Variants in MYO3B observed in about 807,000 individuals in gnomAD.
MYO3B encodes the protein myosin IIIB.
MYO3B carries 156 observed loss-of-function variants against 174.6 expected under a neutral mutation model. The observed-to-expected ratio is 0.89, with a 90% CI of 0.78 to 1.02. The LOEUF (loss-of-function observed/expected upper bound fraction) is 1.02. Among genes scored for constraint, MYO3B ranks in the 50% least tolerant of loss-of-function variants. MYO3B has a pLI of 0.00. For synonymous variants in MYO3B, 563 were observed against 569.1 expected (o/e 0.99, Z 0.15); for missense variants, 1,632 against 1,639.4 (o/e 1.00, Z 0.08).
intron 5 of MYO3B, among the ~76,000 whole-genome samples, chr2:170,216,376 G>T (rs73027110): frequency 0.015 from 2,358 of 152,286 alleles, 66 homozygotes; most frequent in African/African-American, 0.053. Flanking sequence ...GTCTTAAGAA[G>T]AACCCTCCGT....
chr2:170,452,700 C>T (rs777569281), intron 23 of MYO3B, among the ~76,000 whole-genome samples: 28 of 152,146 alleles, frequency 1.8e-4, no homozygotes, highest in Non-Finnish European at 3.2e-4. Flanking sequence ...ACCATGGATG[C>T]ATAAAGTGTC....
chr2:170,279,315 A>G (rs766799574), intron 7 of MYO3B, among the ~76,000 whole-genome samples: 1 of 151,920 alleles, frequency 6.6e-6, no homozygotes, highest in Non-Finnish European at 1.5e-5. Context: ...TGTCTTTTTG[A>G]TAATAGCTAT....
intron 32 of MYO3B, among the ~76,000 whole-genome samples, chr2:170,613,634 G>A (rs1412635477): frequency 2.0e-5 from 3 of 152,212 alleles, no homozygotes; most frequent in Non-Finnish European, 4.4e-5. Context: ...GTATGTCTGT[G>A]AGGGTGTTGC....
rs548918275 is a variant in MYO3B at position 170,612,014 on chromosome 2, A to G, written c.3734-39614A>G. Among the ~76,000 whole-genome samples, 75 of 152,304 alleles carry G rather than the reference A, an allele frequency of 4.9e-4. 1 individual carries two copies. Among genetic ancestry groups the G allele is most frequent in the Admixed American group, 2.0e-3 (30 of 15,294 alleles). On this transcript the variant is annotated intron_variant, in intron 32 of 34. Coordinates refer to ENST00000408978, the MANE Select transcript of MYO3B (RefSeq NM_138995.5). ...GATCTCCAGGCCAGTTCTCAGGGAC[A>G]CTGAGTCCTATTCATAGAACAACAG...
At chr2:170,620,864 G>GACA (rs1695852871) in intron 32 of MYO3B, among the ~76,000 whole-genome samples, 1 of 152,166 alleles carries the variant, frequency 6.6e-6, no homozygotes, top group South Asian at 2.1e-4. Context: ...ATGATCTCTA[G>GACA]CCTCTCAGGG....
intron 6 of MYO3B, among the ~76,000 whole-genome samples, chr2:170,235,758 C>T (rs1044973149): frequency 9.9e-5 from 15 of 152,116 alleles, no homozygotes; most frequent in African/African-American, 3.6e-4. Context: ...TTAGACGGTT[C>T]AATGCATGCT....
chr2:170,255,930 G>A (rs1402283850), intron 7 of MYO3B, among the ~76,000 whole-genome samples: 1 of 152,186 alleles, frequency 6.6e-6, no homozygotes, highest in South Asian at 2.1e-4. Flanking sequence ...AGATGACATA[G>A]CCAGTTTAAG....
intron 28 of MYO3B, among the ~76,000 whole-genome samples, chr2:170,510,817 T>C (rs554486871): frequency 2.6e-5 from 4 of 152,338 alleles, no homozygotes; most frequent in South Asian, 2.1e-4. Context: ...GTCTTGACAC[T>C]GTAAATGGAG....
At chr2:170,329,074 C>T (rs568590430) in intron 7 of MYO3B, among the ~76,000 whole-genome samples, 3 of 151,978 alleles carry the variant, frequency 2.0e-5, no homozygotes, top group Admixed American at 1.3e-4. Context: ...ATCACTTGAA[C>T]CTGAGAGGCA....
At chr2:170,434,745 A>G (rs1205143661) in intron 22 of MYO3B, among the ~76,000 whole-genome samples, 4 of 152,234 alleles carry the variant, frequency 2.6e-5, no homozygotes, top group African/African-American at 9.6e-5. Flanking sequence ...AGAAATTTAG[A>G]ACTCATATCT....
chr2:170,541,148 A>C (rs1690080921), intron 30 of MYO3B, among the ~76,000 whole-genome samples: 1 of 152,244 alleles, frequency 6.6e-6, no homozygotes, highest in African/African-American at 2.4e-5. Flanking sequence ...CTGAAAAGCC[A>C]CACAAGCTAG....
intron 25 of MYO3B, among the ~76,000 whole-genome samples, chr2:170,479,903 T>C (rs998788169): frequency 6.7e-6 from 1 of 148,738 alleles, no homozygotes; most frequent in African/African-American, 2.4e-5. Flanking sequence ...AGGTTTAACA[T>C]ATTTTATAGG....
At chr2:170,374,666 G>A (rs2094275731) in intron 9 of MYO3B, among the ~76,000 whole-genome samples, 1 of 151,880 alleles carries the variant, frequency 6.6e-6, no homozygotes, top group Non-Finnish European at 1.5e-5. Flanking sequence ...CCTCTCCTGG[G>A]TCTAACCATT....
At chr2:170,488,595 C>T (rs530274619) in intron 25 of MYO3B, among the ~76,000 whole-genome samples, 5 of 152,078 alleles carry the variant, frequency 3.3e-5, no homozygotes, top group Non-Finnish European at 7.4e-5. Context: ...ATAATCAGTT[C>T]AAAGGAAGAG....
chr2:170,192,771 T>A (rs1036159899), intron 1 of MYO3B, among the ~76,000 whole-genome samples: 2 of 151,686 alleles, frequency 1.3e-5, no homozygotes, highest in African/African-American at 4.8e-5. Context: ...ATATACTCTG[T>A]AATTTCAGTT....
chr2:170,460,076 T>C (rs1684170372), intron 23 of MYO3B, among the ~76,000 whole-genome samples: 1 of 152,056 alleles, frequency 6.6e-6, no homozygotes, highest in Non-Finnish European at 1.5e-5. Flanking sequence ...GCTCCCACAG[T>C]GCAGTGGCGG....
chr2:170,653,153 G>A lies in MYO3B; in HGVS notation c.*32G>A. ...CTTCCTAACCCTAAATCTGTCCAGA[G>A]TAGGAACATTCATGGTAATCGACTG... On this transcript the variant is annotated 3_prime_UTR_variant, in exon 35 of 35. Coordinates refer to ENST00000408978, the MANE Select transcript of MYO3B (RefSeq NM_138995.5). The A allele has an allele frequency of 1.2e-6, 2 of 1,613,002 alleles. No individual in the cohort carries two copies. Among genetic ancestry groups the A allele is most frequent in the Non-Finnish European group, 1.7e-6 (2 of 1,179,160 alleles).
chr2:170,634,285 A>C (rs1697275038), intron 32 of MYO3B, among the ~76,000 whole-genome samples: 1 of 152,202 alleles, frequency 6.6e-6, no homozygotes, highest in African/African-American at 2.4e-5. Flanking sequence ...GACCAATGGA[A>C]CAGAACAGAG....
At chr2:170,228,005 G>A (rs116650522) in intron 6 of MYO3B, among the ~76,000 whole-genome samples, 2,228 of 152,238 alleles carry the variant, frequency 0.015, 20 homozygotes, top group Middle Eastern at 0.048. Flanking sequence ...TGGTGGAAAT[G>A]GAGCACTAAC....
Sources: allele counts gnomAD v4.1 joint callset (sites outside exome capture counted in the v4.1 genomes callset), GRCh38; gene constraint gnomAD v4.1.1; transcripts MANE v1.5; gene names NCBI Gene and HGNC (gene_info 2026-07-23, HGNC 2026-07-21).